The following ZNF804A variants were observed in gnomAD, a reference collection of about 807,000 sequenced individuals.
ZNF804A encodes zinc finger protein 804A.
A neutral mutation model predicts 16.5 loss-of-function variants in ZNF804A; 2 were observed. The observed-to-expected ratio is 0.12, with a 90% CI of 0.05 to 0.38. The LOEUF (loss-of-function observed/expected upper bound fraction) is 0.38, where lower values mean the gene tolerates loss of function less well. Ranked by LOEUF, ZNF804A falls within the 10% of genes least tolerant of loss-of-function variation. ZNF804A has a pLI of 0.99. For missense variants in ZNF804A, 1,473 were observed against 1,390.7 expected (o/e 1.06, Z -0.94); for synonymous variants, 534 against 489.6 (o/e 1.09, Z -1.20).
chr2:184,645,770 A>G (rs1691860890), intron 1 of ZNF804A, among the ~76,000 whole-genome samples: 2 of 152,194 alleles, frequency 1.3e-5, no homozygotes, highest in Non-Finnish European at 1.5e-5. Flanking sequence ...TGTGAGCTCT[A>G]ATTCAAGAAG....
chr2:184,742,468 A>T (rs374193939), intron 1 of ZNF804A, among the ~76,000 whole-genome samples: 53 of 152,142 alleles, frequency 3.5e-4, no homozygotes, highest in African/African-American at 1.2e-3. Context: ...TGAAAAGAGG[A>T]TAGAACAAAG....
intron 2 of ZNF804A, among the ~76,000 whole-genome samples, chr2:184,912,465 C>T (rs915840409): frequency 2.0e-5 from 3 of 151,884 alleles, no homozygotes; most frequent in Non-Finnish European, 2.9e-5. Context: ...TGGGCATATA[C>T]CTAGAAATGG....
intron 1 of ZNF804A, among the ~76,000 whole-genome samples, chr2:184,711,811 G>T (rs1390760222): frequency 6.6e-6 from 1 of 151,250 alleles, no homozygotes; most frequent in East Asian, 1.9e-4. Flanking sequence ...TTATTTCTGG[G>T]CTTTCTATTC....
Position 184,673,971 on chromosome 2 carries a change from C to G in ZNF804A, c.111+74901C>G, listed in dbSNP as rs1226806173. Among the ~76,000 whole-genome samples the G allele has an allele frequency of 3.3e-5, 5 of 152,088 alleles. No individual in the cohort carries two copies. In the South Asian group the frequency reaches 8.3e-4, roughly 25 times the overall value. On this transcript the variant is annotated intron_variant, in intron 1 of 3. Coordinates refer to ENST00000302277, the MANE Select transcript of ZNF804A (RefSeq NM_194250.2). Reference sequence around the variant, plus strand: ...TTTTATGTTACTCACAAATAATAAACTATCTCACCCGCTAGTGAAATTGTT... The same window carrying G: ...TTTTATGTTACTCACAAATAATAAAGTATCTCACCCGCTAGTGAAATTGTT...
At chr2:184,744,044 T>C (rs1199854809) in intron 1 of ZNF804A, among the ~76,000 whole-genome samples, 1 of 151,952 alleles carries the variant, frequency 6.6e-6, no homozygotes, top group Non-Finnish European at 1.5e-5. Context: ...TGAATCCATT[T>C]TCTATTACTT....
At chr2:184,725,656 G>A (rs1693397870) in intron 1 of ZNF804A, among the ~76,000 whole-genome samples, 2 of 151,542 alleles carry the variant, frequency 1.3e-5, no homozygotes, top group South Asian at 2.1e-4. Flanking sequence ...TAACCAAGAT[G>A]TAAAGTGTGT....
Position 184,938,939 on chromosome 2 carries a change from T to C in ZNF804A, c.3543T>C (p.His1181=), listed in dbSNP as rs1435519845. The C allele has an allele frequency of 6.2e-7, 1 of 1,613,990 alleles. No individual in the cohort carries two copies. Among genetic ancestry groups the C allele is most frequent in the South Asian group, 1.1e-5 (1 of 91,076 alleles). The change falls in exon 4 of 4, where the codon CAT becomes CAC. Residue 1181 remains histidine (H), a synonymous_variant. Transcript: ENST00000302277. ...CAGCTTCCGTTCTTCATCCTAGCCA[T>C]CTGGCTTTCCCATCTTTACCCCATG... ...IIPASVLHPS[H]LAFPSLPHAL...
intron 1 of ZNF804A, among the ~76,000 whole-genome samples, chr2:184,686,808 T>C (rs1692642727): frequency 6.6e-6 from 1 of 152,236 alleles, no homozygotes; most frequent in African/African-American, 2.4e-5. Context: ...TGGAATGTTT[T>C]GTCATACATT....
intron 1 of ZNF804A, among the ~76,000 whole-genome samples, chr2:184,714,226 C>T (rs529020039): frequency 2.0e-5 from 3 of 152,054 alleles, no homozygotes; most frequent in African/African-American, 7.2e-5. Context: ...CATTCAGGTG[C>T]CTCCCTCTTA....
intron 1 of ZNF804A, among the ~76,000 whole-genome samples, chr2:184,670,079 G>GC (rs1211915079): frequency 2.6e-5 from 4 of 152,014 alleles, no homozygotes; most frequent in Admixed American, 6.6e-5. Context: ...TTTTTGTGAA[G>GC]CATTTTGAAG....
rs1360039768 is a variant in ZNF804A at position 184,939,262 on chromosome 2, A to C, written c.*236A>C. The stretch of plus-strand genomic sequence containing the variant: ...TGAAAATCAATACAATATATGCTAT[A>C]TATTAAAATGATGTCTTAAGAGTAT... On this transcript the variant is annotated 3_prime_UTR_variant, in exon 4 of 4. Transcript: ENST00000302277. 1 of 434,540 alleles carries C rather than the reference A, an allele frequency of 2.3e-6. No homozygotes were observed. Among genetic ancestry groups the C allele is most frequent in the East Asian group, 3.7e-5 (1 of 27,082 alleles). 26.9% of individuals were successfully genotyped at this position (434,540 alleles called of 1,614,324 possible). A position where few individuals can be genotyped will look rare whatever the true frequency, so the allele number is the denominator to read the frequency against.
chr2:184,718,562 G>T (rs755240646), intron 1 of ZNF804A, among the ~76,000 whole-genome samples: 24 of 152,276 alleles, frequency 1.6e-4, no homozygotes, highest in Middle Eastern at 3.4e-3. Context: ...TACAGGTACT[G>T]GGTAAATATA....
intron 1 of ZNF804A, among the ~76,000 whole-genome samples, chr2:184,655,625 G>A (rs1026565077): frequency 1.3e-5 from 2 of 152,014 alleles, no homozygotes; most frequent in Admixed American, 6.6e-5. Context: ...TGTAGATATA[G>A]GTTCAATGAA....
intron 1 of ZNF804A, among the ~76,000 whole-genome samples, chr2:184,760,027 C>T (rs898816523): frequency 3.3e-5 from 5 of 152,090 alleles, no homozygotes; most frequent in African/African-American, 1.2e-4. Flanking sequence ...GCTGAGTCCG[C>T]CCTTAGTAAT....
intron 1 of ZNF804A, among the ~76,000 whole-genome samples, chr2:184,751,209 G>T (rs1239052796): frequency 1.3e-5 from 2 of 151,336 alleles, no homozygotes; most frequent in African/African-American, 2.4e-5. Flanking sequence ...AGGATTGCTG[G>T]TTCATATGGT....
At chr2:184,782,667 T>C in intron 1 of ZNF804A, among the ~76,000 whole-genome samples, 1 of 149,346 alleles carries the variant, frequency 6.7e-6, no homozygotes, top group East Asian at 2.0e-4. Flanking sequence ...ATATATATGC[T>C]TAATAGGATA....
At chr2:184,828,860 C>T (rs1037228969) in intron 1 of ZNF804A, among the ~76,000 whole-genome samples, 1 of 151,802 alleles carries the variant, frequency 6.6e-6, no homozygotes, top group African/African-American at 2.4e-5. Flanking sequence ...TGATAGGTCA[C>T]TAAAACTATT....
intron 1 of ZNF804A, among the ~76,000 whole-genome samples, chr2:184,827,109 G>A (rs1372954267): frequency 6.6e-6 from 1 of 151,604 alleles, no homozygotes; most frequent in Non-Finnish European, 1.5e-5. Context: ...CTACTGCAGA[G>A]GTCCTACATG....
chr2:184,736,065 A>G (rs1693601366), intron 1 of ZNF804A, among the ~76,000 whole-genome samples: 1 of 152,188 alleles, frequency 6.6e-6, no homozygotes. Flanking sequence ...ATAAAATAAG[A>G]CATTTCATAG....
Sources: allele counts gnomAD v4.1 joint callset (sites outside exome capture counted in the v4.1 genomes callset), GRCh38; gene constraint gnomAD v4.1.1; transcripts MANE v1.5; gene names NCBI Gene and HGNC (gene_info 2026-07-23, HGNC 2026-07-21).